Variants in HMGCLL1 observed in about 807,000 individuals in gnomAD.
HMGCLL1 encodes the protein 3-hydroxy-3-methylglutaryl-CoA lyase like 1.
In HMGCLL1, 36 loss-of-function variants were observed where a neutral mutation model predicts 39.1. The observed-to-expected ratio is 0.92, with a 90% CI of 0.71 to 1.22. The LOEUF (loss-of-function observed/expected upper bound fraction) is 1.22. Among genes scored for constraint, HMGCLL1 ranks in the 50% most tolerant of loss-of-function variants. The pLI is 0.00. For missense variants in HMGCLL1, 451 were observed against 416.5 expected, an observed-to-expected ratio of 1.08 and a Z score of -0.72; for synonymous variants, 149 against 144.0, an observed-to-expected ratio of 1.03 and a Z score of -0.25.
In HMGCLL1 at chr6:55,509,258, G is replaced by A. The variant is rs538026432; in HGVS notation, c.542+4790C>T. ...AAGGAACTTCTGTGGGCAGCTTCTT[G>A]CTGCCCACTTACAAGAATATGATGC... On this transcript the variant is annotated intron_variant, in intron 5 of 8. Coordinates refer to ENST00000274901, the MANE Select transcript of HMGCLL1 (RefSeq NM_001042406.2). 2.0e-5 allele frequency among the ~76,000 whole-genome samples: 3 copies of A among 151,864 alleles called. No individual in the cohort carries two copies. The East Asian group carries it at 5.8e-4, about 29-fold the overall frequency.
At chr6:55,623,593 A>T in the HMGCLL1 span, among the ~76,000 whole-genome samples, 1 of 151,454 alleles carries the variant, frequency 6.6e-6, no homozygotes, top group Non-Finnish European at 1.5e-5. Context: ...ACCCAGATAT[A>T]CAGAGCAAAT....
chr6:55,477,392 TAATA>T (rs1765485443), intron 7 of HMGCLL1, among the ~76,000 whole-genome samples: 1 of 40,800 alleles, frequency 2.5e-5, no homozygotes, highest in Non-Finnish European at 4.0e-5. Flanking sequence ...TATCTAAATA[TAATA>T]TATATTATCT....
intron 1 of HMGCLL1, among the ~76,000 whole-genome samples, chr6:55,556,733 T>C (rs1212512464): frequency 6.6e-6 from 1 of 152,076 alleles, no homozygotes; most frequent in Non-Finnish European, 1.5e-5. Flanking sequence ...TTCATAGAAA[T>C]AATCTAGACG....
chr6:55,440,690 G>A (rs1763558136), intron 7 of HMGCLL1, among the ~76,000 whole-genome samples: 1 of 152,076 alleles, frequency 6.6e-6, no homozygotes, highest in Non-Finnish European at 1.5e-5. Context: ...CCTGGAAGCA[G>A]AGCTCTTTCC....
intron 3 of HMGCLL1, among the ~76,000 whole-genome samples, chr6:55,535,934 A>C (rs1768993688): frequency 6.6e-6 from 1 of 152,024 alleles, no homozygotes; most frequent in Non-Finnish European, 1.5e-5. Flanking sequence ...TCTTTTCCAT[A>C]CCTACCTTCC....
chr6:55,619,576 G>A, the HMGCLL1 span, among the ~76,000 whole-genome samples: 3 of 151,974 alleles, frequency 2.0e-5, no homozygotes, highest in East Asian at 1.9e-4. Context: ...ATGGGTATGT[G>A]GTAGGTGTAT....
the HMGCLL1 span, among the ~76,000 whole-genome samples, chr6:55,640,646 G>T: frequency 6.6e-5 from 10 of 151,730 alleles, no homozygotes; most frequent in Admixed American, 4.6e-4. Context: ...ATGCATTAGT[G>T]ATATTGTATC....
chr6:55,519,239 A>G (rs1767907085), intron 3 of HMGCLL1, among the ~76,000 whole-genome samples: 2 of 152,098 alleles, frequency 1.3e-5, no homozygotes, highest in Non-Finnish European at 2.9e-5. Context: ...GGTGCAAAGG[A>G]TAGTCTAGAT....
intron 7 of HMGCLL1, among the ~76,000 whole-genome samples, chr6:55,443,225 GC>G (rs1455701262): frequency 1.3e-5 from 2 of 152,110 alleles, no homozygotes; most frequent in African/African-American, 4.8e-5. Flanking sequence ...GTACCCTGGG[GC>G]AGCAAACAGT....
At chr6:55,617,863 T>A in the HMGCLL1 span, among the ~76,000 whole-genome samples, 1 of 152,186 alleles carries the variant, frequency 6.6e-6, no homozygotes, top group East Asian at 1.9e-4. Context: ...AATTGTTCAA[T>A]GTGTGAACCA....
chr6:55,483,621 T>C (rs1765853404), intron 7 of HMGCLL1, among the ~76,000 whole-genome samples: 1 of 152,122 alleles, frequency 6.6e-6, no homozygotes, highest in Non-Finnish European at 1.5e-5. Context: ...AAATGTAATA[T>C]AGAGACACAT....
chr6:55,646,744 T>A, the HMGCLL1 span, among the ~76,000 whole-genome samples: 1 of 152,058 alleles, frequency 6.6e-6, no homozygotes, highest in Non-Finnish European at 1.5e-5. Flanking sequence ...TATTCCATTC[T>A]GGTTGGAGAA....
At chr6:55,577,043 G>A (rs138263933) in intron 1 of HMGCLL1, 2 of 1,609,794 alleles carry the variant, frequency 1.2e-6, no homozygotes, top group East Asian at 2.2e-5. Flanking sequence ...ACACTAGGAA[G>A]AGTGTAGATA....
chr6:55,474,883 T>A (rs1765217582), intron 7 of HMGCLL1, among the ~76,000 whole-genome samples: 1 of 151,682 alleles, frequency 6.6e-6, no homozygotes, highest in Non-Finnish European at 1.5e-5. Flanking sequence ...TAAGGCGGGC[T>A]TTCCTAAGTA....
chr6:55,600,051 TG>T, the HMGCLL1 span, among the ~76,000 whole-genome samples: 5 of 152,218 alleles, frequency 3.3e-5, no homozygotes, highest in South Asian at 2.1e-4. Flanking sequence ...CTGTTTAAAC[TG>T]AATGATTTAC....
In HMGCLL1 at chr6:55,578,983, C is replaced by G. The variant is rs1033984179; in HGVS notation, c.73G>C (p.Gly25Arg). The part of the protein sequence containing the change: ...QQLLREHLWI[G>R]DSVAGALDPA... ...TCGAGCGCCCCTGCCACTGAATCCC[C>G]GATCCAGAGATGCTCCCGGAGAAGC... Residue 25 changes from glycine (G) to arginine (R), a missense_variant, in exon 1 of 9, where the codon GGG (glycine) becomes CGG (arginine). By Grantham distance (125) the Gly-to-Arg change is moderately radical. Transcript: ENST00000274901. 8.7e-6 allele frequency: 14 copies of G among 1,613,500 alleles called. No homozygotes were observed. Among genetic ancestry groups the G allele is most frequent in the African/African-American group, 1.3e-5 (1 of 74,936 alleles).
At chr6:55,534,573 GA>G (rs1218914914) in intron 3 of HMGCLL1, among the ~76,000 whole-genome samples, 1 of 152,152 alleles carries the variant, frequency 6.6e-6, no homozygotes, top group African/African-American at 2.4e-5. Context: ...AGACCACGTG[GA>G]GAGTCTTTGA....
intron 8 of HMGCLL1, among the ~76,000 whole-genome samples, chr6:55,436,997 G>A (rs1267539343): frequency 6.6e-6 from 1 of 151,852 alleles, no homozygotes; most frequent in Non-Finnish European, 1.5e-5. Context: ...ATTAACTTCA[G>A]GTGCCTTTCA....
chr6:55,650,012 T>C, the HMGCLL1 span, among the ~76,000 whole-genome samples: 1 of 145,112 alleles, frequency 6.9e-6, no homozygotes, highest in Non-Finnish European at 1.5e-5. Flanking sequence ...TTGAATTTAT[T>C]TGAGTTTCCT....
Sources: gnomAD v4.1 joint callset for allele counts (sites outside exome capture counted in the v4.1 genomes callset) on GRCh38, gnomAD v4.1.1 for gene constraint, MANE v1.5 for transcripts, NCBI Gene and HGNC (gene_info 2026-07-23, HGNC 2026-07-21) for gene names.